The following RNF111 variants were observed in gnomAD, a reference collection of about 807,000 sequenced individuals.
The protein encoded by RNF111 is E3 ubiquitin-protein ligase Arkadia.
In RNF111, 17 loss-of-function variants were observed where a neutral mutation model predicts 95.1. That is an observed-to-expected ratio of 0.18 (90% CI 0.12 to 0.27). The LOEUF is 0.27. Ranked by LOEUF, RNF111 falls within the 10% of genes least tolerant of loss-of-function variation. The pLI, the probability that RNF111 is intolerant of heterozygous loss-of-function variation, is 1.00. For missense variants in RNF111, 1,189 were observed against 1,210.4 expected, an observed-to-expected ratio of 0.98 and a Z score of 0.26; for synonymous variants, 440 against 414.8, an observed-to-expected ratio of 1.06 and a Z score of -0.74.
intron 1 of RNF111, among the ~76,000 whole-genome samples, chr15:58,990,619 A>G (rs894574588): frequency 1.6e-4 from 24 of 152,220 alleles, no homozygotes; most frequent in African/African-American, 5.5e-4. Flanking sequence ...CACTCACTGC[A>G]CTCCAGCTTG....
chr15:59,052,291 C>T lies in RNF111; in HGVS notation c.881-14C>T, dbSNP rs1431987396. ...AGGAAGATGCCTTTAAATGTTTTTT[C>T]TTTTTGTTTCCAGGAAGTATTGATG... On this transcript the variant is annotated splice_polypyrimidine_tract_variant and intron_variant, in intron 2 of 13. Coordinates refer to ENST00000348370, the MANE Select transcript of RNF111 (RefSeq NM_017610.8). 7 of 1,544,360 alleles carry T rather than the reference C, an allele frequency of 4.5e-6. No homozygotes were observed. The highest frequency in any genetic ancestry group is 1.7e-4 in the Middle Eastern group (1 of 5,808).
chr15:59,051,436 C>T (rs527725298), intron 2 of RNF111, among the ~76,000 whole-genome samples: 46 of 129,562 alleles, frequency 3.6e-4, no homozygotes, highest in South Asian at 9.4e-4. Context: ...CCAGACTGGG[C>T]GATTGAGCGA....
chr15:58,998,292 G>T (rs1270266406), intron 1 of RNF111, among the ~76,000 whole-genome samples: 1 of 149,122 alleles, frequency 6.7e-6, no homozygotes, highest in Admixed American at 6.7e-5. Context: ...ATGCAGGTTT[G>T]TTACATAGGT....
At chr15:58,995,953 T>C (rs1353689979) in intron 1 of RNF111, among the ~76,000 whole-genome samples, 1 of 152,004 alleles carries the variant, frequency 6.6e-6, no homozygotes, top group Non-Finnish European at 1.5e-5. Context: ...CTTTTTTTCA[T>C]GCATCAGGAC....
chr15:59,029,144 C>T (rs2040776637), intron 1 of RNF111, among the ~76,000 whole-genome samples: 1 of 152,114 alleles, frequency 6.6e-6, no homozygotes. Flanking sequence ...TTTACATTTC[C>T]ATCAGCAATA....
intron 10 of RNF111, among the ~76,000 whole-genome samples, chr15:59,085,998 C>G (rs1428677189): frequency 1.3e-5 from 2 of 152,084 alleles, no homozygotes; most frequent in Non-Finnish European, 2.9e-5. Context: ...TACGACATGA[C>G]AAAAAAGTGT....
intron 2 of RNF111, among the ~76,000 whole-genome samples, chr15:59,047,490 T>C (rs550492795): frequency 6.6e-6 from 1 of 152,244 alleles, no homozygotes; most frequent in Admixed American, 6.5e-5. Context: ...TCAAGACACT[T>C]TCTCAAACAC....
At chr15:59,026,866 A>C (rs1567222787) in intron 1 of RNF111, among the ~76,000 whole-genome samples, 2 of 152,132 alleles carry the variant, frequency 1.3e-5, no homozygotes, top group African/African-American at 4.8e-5. Flanking sequence ...TAACTCAGAG[A>C]AGAGTTAACT....
chr15:59,069,238 T>A (rs1318631287), intron 6 of RNF111, among the ~76,000 whole-genome samples: 1 of 152,200 alleles, frequency 6.6e-6, no homozygotes, highest in Non-Finnish European at 1.5e-5. Flanking sequence ...ACCTGTCCTA[T>A]CTCTTGGGAA....
At chr15:59,010,636 A>G (rs546867532) in intron 1 of RNF111, among the ~76,000 whole-genome samples, 20 of 152,176 alleles carry the variant, frequency 1.3e-4, no homozygotes, top group Non-Finnish European at 2.6e-4. Flanking sequence ...TCCTGACATC[A>G]GGTGATCTGC....
At chr15:59,092,495 G>T in intron 12 of RNF111, 42 bp from the exon 13 acceptor site, 1 of 1,574,574 alleles carries the variant, frequency 6.4e-7, no homozygotes, top group African/African-American at 1.4e-5. Context: ...GTTCAATAAT[G>T]TCATCTCTAC....
At chr15:59,023,898 A>C (rs901180642) in intron 1 of RNF111, among the ~76,000 whole-genome samples, 5 of 152,208 alleles carry the variant, frequency 3.3e-5, no homozygotes, top group Non-Finnish European at 1.5e-5. Context: ...CCTAAGGGAC[A>C]TGAAGAGTGA....
intron 5 of RNF111, among the ~76,000 whole-genome samples, chr15:59,062,513 A>G (rs2042484298): frequency 6.6e-6 from 1 of 152,132 alleles, no homozygotes; most frequent in Admixed American, 6.5e-5. Context: ...ACACATATTT[A>G]TTGATGGCAC....
chr15:59,020,982 T>C (rs1395199873), intron 1 of RNF111, among the ~76,000 whole-genome samples: 1 of 152,164 alleles, frequency 6.6e-6, no homozygotes, highest in Non-Finnish European at 1.5e-5. Context: ...ATAAGTTCTT[T>C]AGTGGTGATT....
intron 10 of RNF111, among the ~76,000 whole-genome samples, chr15:59,086,668 A>G (rs2078909104): frequency 1.3e-5 from 2 of 152,218 alleles, no homozygotes; most frequent in South Asian, 2.1e-4. Flanking sequence ...GGATTATGGA[A>G]TGGTGCTCTT....
At chr15:59,018,913 A>G (rs2040197425) in intron 1 of RNF111, among the ~76,000 whole-genome samples, 1 of 151,604 alleles carries the variant, frequency 6.6e-6, no homozygotes, top group South Asian at 2.1e-4. Flanking sequence ...ATAACTGTAT[A>G]TTTGTTTCTT....
At position 59,081,044 on chromosome 15, in the gene RNF111, C is replaced by G; in HGVS notation, c.2057C>G (p.Pro686Arg). 1 of 1,614,132 alleles carries G rather than the reference C, an allele frequency of 6.2e-7. No homozygotes were observed. Among genetic ancestry groups the G allele is most frequent in the Non-Finnish European group, 8.5e-7 (1 of 1,180,026 alleles). Reference protein sequence around the residue: ...QPPPQVDYVIPHPVHAFHSQI... With the variant: ...QPPPQVDYVIRHPVHAFHSQI... ...CCGCCTCAAGTGGATTATGTTATTCCTCATCCTGTACATGCTTTCCATTCT... is the reference window on the plus strand; with the variant it reads ...CCGCCTCAAGTGGATTATGTTATTCGTCATCCTGTACATGCTTTCCATTCT... Residue 686 changes from proline (P) to arginine (R), a missense_variant, in exon 8 of 14, where the codon CCT (proline) becomes CGT (arginine). By Grantham distance (103) the Pro-to-Arg change is moderately radical. Transcript: ENST00000348370.
intron 1 of RNF111, among the ~76,000 whole-genome samples, chr15:58,990,605 G>A (rs1234463420): frequency 1.3e-5 from 2 of 152,184 alleles, no homozygotes; most frequent in Non-Finnish European, 2.9e-5. Flanking sequence ...AGCGGAGATC[G>A]TGCCACTCAC....
chr15:59,000,235 T>C (rs1303938112), intron 1 of RNF111, among the ~76,000 whole-genome samples: 1 of 150,046 alleles, frequency 6.7e-6, no homozygotes, highest in Non-Finnish European at 1.5e-5. Context: ...GAGATCTTAG[T>C]TCACTACATT....
Sources: allele counts gnomAD v4.1 joint callset (sites outside exome capture counted in the v4.1 genomes callset), GRCh38; gene constraint gnomAD v4.1.1; transcripts MANE v1.5; gene names NCBI Gene and HGNC (gene_info 2026-07-23, HGNC 2026-07-21).